IL34: variants seen among roughly 807,000 people sequenced by gnomAD.
IL34 encodes interleukin-34.
Under a neutral mutation model 25.3 loss-of-function variants are expected in IL34, and 17 were observed. The ratio of observed to expected loss-of-function variants is 0.67; its 90% CI spans 0.46 to 1.01. The LOEUF is 1.01. Among genes scored for constraint, IL34 ranks in the 50% least tolerant of loss-of-function variants. The pLI is 0.00. For synonymous variants in IL34, 174 were observed against 140.9 expected, an observed-to-expected ratio of 1.23 and a Z score of -1.66; for missense variants, 368 against 312.9, an observed-to-expected ratio of 1.18 and a Z score of -1.33.
chr16:70,638,609 A>AT (rs1221348841), intron 1 of IL34, among the ~76,000 whole-genome samples: 1 of 151,378 alleles, frequency 6.6e-6, no homozygotes, highest in Non-Finnish European at 1.5e-5. Context: ...CTTATTTATT[A>AT]TTTTTTTGAG....
intron 1 of IL34, among the ~76,000 whole-genome samples, chr16:70,593,468 G>A (rs1395089801): frequency 6.6e-6 from 1 of 152,042 alleles, no homozygotes; most frequent in African/African-American, 2.4e-5. Context: ...AAAGGTCTAA[G>A]GTCTAAGGTC....
Position 70,660,361 on chromosome 16 carries a change from CTT to C in IL34, c.*175_*176del. ...GCCACAGCAGGGCTCAGCTTCCTGCCTTCCATAGCTGTCATGGCCTCACCTGG... is the reference window on the plus strand; with the variant it reads ...GCCACAGCAGGGCTCAGCTTCCTGCCCCATAGCTGTCATGGCCTCACCTGG... On this transcript the variant is annotated 3_prime_UTR_variant, in exon 6 of 6. Transcript: ENST00000288098. 1 of 590,178 alleles carries C rather than the reference CTT, an allele frequency of 1.7e-6. No homozygotes were observed. Among genetic ancestry groups the C allele is most frequent in the African/African-American group, 1.9e-5 (1 of 53,098 alleles). 36.6% of individuals were successfully genotyped at this position (590,178 alleles called of 1,614,324 possible).
chr16:70,613,575 T>C (rs1261518588), intron 1 of IL34, among the ~76,000 whole-genome samples: 1 of 152,054 alleles, frequency 6.6e-6, no homozygotes, highest in East Asian at 1.9e-4. Context: ...TGGGAGCTTG[T>C]CAGAAATGCA....
At chr16:70,657,910 TA>T (rs1567468769) in intron 4 of IL34, among the ~76,000 whole-genome samples, 1 of 151,982 alleles carries the variant, frequency 6.6e-6, no homozygotes, top group South Asian at 2.1e-4. Flanking sequence ...TTTAGTTAAT[TA>T]AAAAAAGAGG....
intron 1 of IL34, among the ~76,000 whole-genome samples, chr16:70,634,965 C>T (rs35290416): frequency 0.33 from 50,545 of 152,046 alleles, 8,552 homozygotes; most frequent in South Asian, 0.47. Context: ...TGGCACAGTT[C>T]ATACGTCCAG....
intron 1 of IL34, among the ~76,000 whole-genome samples, chr16:70,631,611 C>G (rs759623221): frequency 6.6e-6 from 1 of 152,084 alleles, no homozygotes; most frequent in Non-Finnish European, 1.5e-5. Flanking sequence ...AAACTTGGGA[C>G]TCACTTCCCT....
chr16:70,628,893 T>G (rs1490199848), intron 1 of IL34, among the ~76,000 whole-genome samples: 2 of 151,216 alleles, frequency 1.3e-5, no homozygotes, highest in African/African-American at 4.9e-5. Context: ...GTTCAAATGA[T>G]CCTTCCACCT....
At chr16:70,635,819 C>T (rs967461056) in intron 1 of IL34, among the ~76,000 whole-genome samples, 1 of 152,030 alleles carries the variant, frequency 6.6e-6, no homozygotes, top group African/African-American at 2.4e-5. Flanking sequence ...ATAGCAAATA[C>T]CAAGATAGCA....
intron 1 of IL34, among the ~76,000 whole-genome samples, chr16:70,592,579 A>G (rs1206816953): frequency 1.3e-5 from 2 of 152,218 alleles, no homozygotes; most frequent in Non-Finnish European, 2.9e-5. Context: ...TATTTTAAAA[A>G]TAGCTTTTAA....
intron 1 of IL34, among the ~76,000 whole-genome samples, chr16:70,598,495 T>C (rs1193394543): frequency 6.6e-6 from 1 of 152,066 alleles, no homozygotes; most frequent in African/African-American, 2.4e-5. Flanking sequence ...TCCCAGCACT[T>C]TGGGAGGCCA....
Position 70,601,863 on chromosome 16 carries a change from G to A in IL34, c.-401+21814G>A, listed in dbSNP as rs114324940. The stretch of plus-strand genomic sequence containing the variant: ...CCTTTGTCCAGTTGGCTGCCTGGCC[G>A]GAGACAAGGACACTGAGCTGCCAGT... On this transcript the variant is annotated intron_variant, in intron 1 of 6. Coordinates refer to the IL34 transcript ENST00000429149. 6.2e-3 allele frequency among the ~76,000 whole-genome samples: 941 copies of A among 152,352 alleles called. 14 individuals carry two copies. Among genetic ancestry groups the A allele is most frequent in the African/African-American group, 0.021 (888 of 41,584 alleles).
At chr16:70,634,039 C>A (rs568344843) in intron 1 of IL34, among the ~76,000 whole-genome samples, 2 of 151,856 alleles carry the variant, frequency 1.3e-5, no homozygotes, top group African/African-American at 4.8e-5. Context: ...TTAGTAGAGA[C>A]GGGGTTTCAC....
chr16:70,627,709 A>G (rs2051427709), intron 1 of IL34, among the ~76,000 whole-genome samples: 1 of 152,094 alleles, frequency 6.6e-6, no homozygotes, highest in Non-Finnish European at 1.5e-5. Context: ...GGCTCAAGAG[A>G]TCTGCCTACT....
Position 70,584,258 on chromosome 16 carries a change from C to G in IL34, c.-401+4209C>G, listed in dbSNP as rs984887985. 2.0e-5 allele frequency among the ~76,000 whole-genome samples: 3 copies of G among 152,164 alleles called. No homozygotes were observed. The South Asian group carries it at 6.2e-4, about 32-fold the overall frequency. ...TCTCATAAGTAAGGGGCAGTGTCCCCTGGGAACTGGGCTGCAACTGGCCTG... is the reference window on the plus strand; with the variant it reads ...TCTCATAAGTAAGGGGCAGTGTCCCGTGGGAACTGGGCTGCAACTGGCCTG... On this transcript the variant is annotated intron_variant, in intron 1 of 6. Transcript: ENST00000429149.
intron 1 of IL34, among the ~76,000 whole-genome samples, chr16:70,605,176 G>A (rs1293112880): frequency 2.0e-5 from 3 of 152,178 alleles, no homozygotes; most frequent in Non-Finnish European, 4.4e-5. Flanking sequence ...GATCCCGAGA[G>A]CCTTGACCTG....
intron 4 of IL34, among the ~76,000 whole-genome samples, chr16:70,657,517 G>A (rs902661135): frequency 4.6e-5 from 7 of 152,252 alleles, no homozygotes; most frequent in Non-Finnish European, 1.0e-4. Flanking sequence ...CTGCAGGCCG[G>A]GCGCGGCGGC....
intron 1 of IL34, among the ~76,000 whole-genome samples, chr16:70,599,540 T>TG: frequency 6.6e-6 from 1 of 151,544 alleles, no homozygotes; most frequent in East Asian, 1.9e-4. Context: ...TATTTTTTTT[T>TG]TTTTTTTAGT....
intron 1 of IL34, among the ~76,000 whole-genome samples, chr16:70,625,867 C>T (rs887091914): frequency 1.8e-4 from 28 of 152,124 alleles, no homozygotes; most frequent in East Asian, 1.2e-3. Flanking sequence ...GGCCACTTAC[C>T]GGATTTGAAA....
intron 1 of IL34, among the ~76,000 whole-genome samples, chr16:70,600,473 G>A (rs1048431315): frequency 1.3e-5 from 2 of 152,176 alleles, no homozygotes; most frequent in South Asian, 2.1e-4. Context: ...AGAACACAGC[G>A]CTGCACATGG....
Sources: allele counts gnomAD v4.1 joint callset (sites outside exome capture counted in the v4.1 genomes callset), GRCh38; gene constraint gnomAD v4.1.1; transcripts MANE v1.5; gene names NCBI Gene and HGNC (gene_info 2026-07-23, HGNC 2026-07-21).